ROBO2: variants seen among roughly 807,000 people sequenced by gnomAD.
The protein encoded by ROBO2 is roundabout guidance receptor 2.
A neutral mutation model predicts 160.8 loss-of-function variants in ROBO2; 53 were observed. The observed-to-expected ratio is 0.33, with a 90% CI of 0.26 to 0.41. The LOEUF is 0.41. Ranked by LOEUF, ROBO2 falls within the 10% of genes least tolerant of loss-of-function variation. The pLI, the probability that ROBO2 is intolerant of heterozygous loss-of-function variation, is 1.00. For synonymous variants in ROBO2, 664 were observed against 611.7 expected, an observed-to-expected ratio of 1.09 and a Z score of -1.26; for missense variants, 1,577 against 1,722.4, an observed-to-expected ratio of 0.92 and a Z score of 1.49.
At chr3:77,403,956 ATGGT>A (rs1227998649) in intron 2 of ROBO2, among the ~76,000 whole-genome samples, 1 of 152,154 alleles carries the variant, frequency 6.6e-6, no homozygotes, top group South Asian at 2.1e-4. Flanking sequence ...AGGCTCGAAA[ATGGT>A]TGGTTTTCAA....
chr3:76,372,107 G>GT (rs1383886352), intron 2 of ROBO2, among the ~76,000 whole-genome samples: 1 of 151,616 alleles, frequency 6.6e-6, no homozygotes, highest in Admixed American at 6.6e-5. Context: ...TACATGATGG[G>GT]TTTTTTTGTA....
intron 2 of ROBO2, among the ~76,000 whole-genome samples, chr3:76,249,600 A>T (rs535036869): frequency 6.6e-6 from 1 of 152,128 alleles, no homozygotes; most frequent in Non-Finnish European, 1.5e-5. Context: ...AGGTGATTTC[A>T]ATGATTAGTG....
intron 2 of ROBO2, among the ~76,000 whole-genome samples, chr3:76,510,186 AT>A (rs1339025810): frequency 1.3e-5 from 2 of 152,172 alleles, no homozygotes; most frequent in Admixed American, 6.5e-5. Flanking sequence ...TGGTGAAAGA[AT>A]ATTGTTGAAA....
chr3:76,853,295 T>C (rs2069619115), intron 2 of ROBO2, among the ~76,000 whole-genome samples: 1 of 152,118 alleles, frequency 6.6e-6, no homozygotes, highest in Admixed American at 6.5e-5. Flanking sequence ...GGACTCTAAA[T>C]GTATTACTTT....
At chr3:76,403,490 C>T (rs1270484873) in intron 2 of ROBO2, among the ~76,000 whole-genome samples, 3 of 151,548 alleles carry the variant, frequency 2.0e-5, no homozygotes, top group Admixed American at 6.6e-5. Flanking sequence ...GGGGAGCTTT[C>T]AGTATGATGA....
intron 16 of ROBO2, among the ~76,000 whole-genome samples, chr3:77,588,505 G>T (rs956547950): frequency 2.6e-5 from 4 of 151,850 alleles, no homozygotes; most frequent in Middle Eastern, 6.8e-3. Context: ...AATCAACTAC[G>T]TTGTGAATCC....
intron 2 of ROBO2, among the ~76,000 whole-genome samples, chr3:76,040,800 C>T (rs915170867): frequency 6.6e-6 from 1 of 151,884 alleles, no homozygotes; most frequent in Non-Finnish European, 1.5e-5. Flanking sequence ...CCAGCCTGGC[C>T]AACATGGAGA....
At chr3:76,053,810 C>A (rs188392970) in intron 2 of ROBO2, among the ~76,000 whole-genome samples, 1 of 152,110 alleles carries the variant, frequency 6.6e-6, no homozygotes, top group Admixed American at 6.5e-5. Flanking sequence ...GATGATATAT[C>A]TTCTTAAATG....
chr3:76,278,810 G>C (rs1218625864), intron 2 of ROBO2, among the ~76,000 whole-genome samples: 1 of 151,850 alleles, frequency 6.6e-6, no homozygotes, highest in African/African-American at 2.4e-5. Flanking sequence ...GAAATCCACT[G>C]ATTTATTTTG....
At chr3:76,425,269 T>C (rs1266088383) in intron 2 of ROBO2, among the ~76,000 whole-genome samples, 1 of 152,122 alleles carries the variant, frequency 6.6e-6, no homozygotes, top group East Asian at 1.9e-4. Context: ...AAATTAGATG[T>C]TCTACTTAAA....
chr3:75,989,164 G>A (rs532969304), intron 2 of ROBO2, among the ~76,000 whole-genome samples: 1 of 152,052 alleles, frequency 6.6e-6, no homozygotes, highest in African/African-American at 2.4e-5. Context: ...TGTTGACCAG[G>A]CTGGAGTGCA....
At chr3:76,483,437 G>C (rs189092214) in intron 2 of ROBO2, among the ~76,000 whole-genome samples, 8 of 151,848 alleles carry the variant, frequency 5.3e-5, no homozygotes, top group African/African-American at 1.9e-4. Context: ...ACTGAGCATA[G>C]TACCCAATTA....
chr3:76,463,079 T>TCTCC (rs1179840404), intron 2 of ROBO2, among the ~76,000 whole-genome samples: 5 of 152,098 alleles, frequency 3.3e-5, no homozygotes, highest in Non-Finnish European at 7.3e-5. Flanking sequence ...TGGCCAGGAA[T>TCTCC]CTCCTACCGT....
At chr3:77,216,734 T>A (rs1351347293) in intron 2 of ROBO2, among the ~76,000 whole-genome samples, 1 of 152,212 alleles carries the variant, frequency 6.6e-6, no homozygotes, top group African/African-American at 2.4e-5. Flanking sequence ...ACAAATAATT[T>A]TTTTAAACAA....
At chr3:76,580,342 G>GTTTTTT (rs71101901) in intron 2 of ROBO2, among the ~76,000 whole-genome samples, 2 of 90,532 alleles carry the variant, frequency 2.2e-5, no homozygotes, top group Non-Finnish European at 2.1e-5. Flanking sequence ...TTTTTTTTGT[G>GTTTTTT]TTTTTTTTTT....
At chr3:77,248,511 G>C (rs1326745609) in intron 2 of ROBO2, among the ~76,000 whole-genome samples, 3 of 152,144 alleles carry the variant, frequency 2.0e-5, no homozygotes, top group Non-Finnish European at 4.4e-5. Flanking sequence ...ACTCCGTCTG[G>C]GGCTTCAGGG....
In ROBO2 at chr3:76,152,774, A is replaced by C. The variant is rs4856010; in HGVS notation, c.109+215172A>C. 0.023 allele frequency among the ~76,000 whole-genome samples: 3,499 copies of C among 152,248 alleles called. 242 individuals are homozygous for C. The East Asian group carries it at 0.23, about 10-fold the overall frequency. On this transcript the variant is annotated intron_variant, in intron 2 of 26. Transcript: ENST00000487694. ...AGGGAACTAACTTCTCTTATATTTC[A>C]GGAAGTCACCAGCACTTCTAATCAC...
chr3:76,308,845 G>A (rs2071440822), intron 2 of ROBO2, among the ~76,000 whole-genome samples: 1 of 152,116 alleles, frequency 6.6e-6, no homozygotes, highest in Non-Finnish European at 1.5e-5. Context: ...AGGGATTATT[G>A]AAAAGGAAAG....
intron 2 of ROBO2, among the ~76,000 whole-genome samples, chr3:76,492,258 A>G (rs1577604842): frequency 6.6e-6 from 1 of 152,210 alleles, no homozygotes; most frequent in South Asian, 2.1e-4. Flanking sequence ...GTTTAATTTT[A>G]TCAATCTGGT....
Sources: gnomAD v4.1 joint callset for allele counts (sites outside exome capture counted in the v4.1 genomes callset) on GRCh38, gnomAD v4.1.1 for gene constraint, MANE v1.5 for transcripts, NCBI Gene and HGNC (gene_info 2026-07-23, HGNC 2026-07-21) for gene names.